Variants in KDM1B observed in about 807,000 individuals in gnomAD.
KDM1B encodes lysine demethylase 1B.
In KDM1B, 63 loss-of-function variants were observed where a neutral mutation model predicts 107.4. The observed-to-expected ratio is 0.59, with a 90% CI of 0.48 to 0.72. The LOEUF (loss-of-function observed/expected upper bound fraction) is 0.72. Among genes scored for constraint, KDM1B ranks in the 30% least tolerant of loss-of-function variants. KDM1B has a pLI of 0.00. For synonymous variants in KDM1B, 363 were observed against 363.9 expected, an observed-to-expected ratio of 1.00 and a Z score of 0.03; for missense variants, 749 against 1,020.8, an observed-to-expected ratio of 0.73 and a Z score of 3.63.
At chr6:18,164,448 A>G (rs957553160) in intron 5 of KDM1B, among the ~76,000 whole-genome samples, 5 of 151,798 alleles carry the variant, frequency 3.3e-5, no homozygotes, top group Non-Finnish European at 4.4e-5. Context: ...GCCGTCATGT[A>G]TTTTTAAGCT....
chr6:18,190,550 C>A (rs1035639703), intron 9 of KDM1B, among the ~76,000 whole-genome samples: 3 of 151,116 alleles, frequency 2.0e-5, no homozygotes, highest in Admixed American at 1.3e-4. Context: ...TGCAGCGAGC[C>A]GAGATCGCGC....
chr6:18,194,716 C>T (rs1032734384), intron 10 of KDM1B, among the ~76,000 whole-genome samples: 6 of 151,800 alleles, frequency 4.0e-5, no homozygotes, highest in African/African-American at 9.7e-5. Flanking sequence ...ACAGGCTGGT[C>T]TCCAAGTTTT....
chr6:18,217,785 G>T lies in KDM1B; in HGVS notation c.2285G>T (p.Trp762Leu). The part of the protein sequence containing the change: ...YFVTRWSTDP[W>L]IQMAYSFVKT... ...GTCACTCGGTGGAGCACAGACCCAT[G>T]GATCCAGATGGCATACAGTTTTGTG... The change falls in exon 21 of 22, where the codon TGG becomes TTG. Residue 762 changes from tryptophan (W) to leucine (L), a missense_variant. Trp to Leu is a moderately conservative substitution (Grantham distance 61, BLOSUM62 -2). Transcript: ENST00000650836. 1 of 1,613,852 alleles carries T rather than the reference G, an allele frequency of 6.2e-7. No homozygotes were observed. Among genetic ancestry groups the T allele is most frequent in the Non-Finnish European group, 8.5e-7 (1 of 1,179,880 alleles).
chr6:18,170,713 C>T (rs2150819842), intron 6 of KDM1B, among the ~76,000 whole-genome samples: 1 of 152,220 alleles, frequency 6.6e-6, no homozygotes, highest in East Asian at 1.9e-4. Flanking sequence ...CTCCTGGGCT[C>T]AAGCAGTCTG....
In KDM1B at chr6:18,213,614, G is replaced by C; in HGVS notation, c.1984-42G>C. ...GCTTAGATATTGCCTGTGGTTTTGT[G>C]ACGACAGACACCTAACCACCTTTCT... On this transcript the variant is annotated intron_variant, in intron 18 of 21. Transcript: ENST00000650836. The surrounding 1 kb of genome is among the most constrained non-coding windows in gnomAD (Gnocchi z 5.9). 6.2e-7 allele frequency: 1 copy of C among 1,611,062 alleles called. No individual in the cohort carries two copies. The highest frequency in any genetic ancestry group is 8.5e-7 in the Non-Finnish European group (1 of 1,177,634).
chr6:18,162,986 G>A lies in KDM1B; in HGVS notation c.305+62G>A, dbSNP rs1236374219. ...GGGGACCGTGGCAGGGGCAGTGCGT[G>A]TGGTCAGCTGATTAAAGCTTAGTCT... On this transcript the variant is annotated intron_variant, in intron 5 of 21. Coordinates refer to ENST00000650836, the MANE Select transcript of KDM1B (RefSeq NM_001364614.2). This position sits in a 1 kb window ranked among gnomAD's most constrained non-coding sequence, Gnocchi z 4.1. 1.0e-6 allele frequency: 1 copy of A among 963,678 alleles called. No homozygotes were observed. 59.7% of individuals were successfully genotyped at this position (963,678 alleles called of 1,614,324 possible).
At chr6:18,178,652 A>C (rs997715393) in intron 7 of KDM1B, among the ~76,000 whole-genome samples, 23 of 152,270 alleles carry the variant, frequency 1.5e-4, no homozygotes, top group African/African-American at 5.3e-4. Context: ...TGGCCTCCCA[A>C]AGTGCTGGGA....
intron 17 of KDM1B, among the ~76,000 whole-genome samples, chr6:18,208,628 T>TATATATATGTATATATATATA (rs1491350264): frequency 6.2e-5 from 1 of 16,250 alleles, no homozygotes; most frequent in African/African-American, 2.5e-4. Flanking sequence ...TATATATATA[T>TATATATATGTATATATATATA]TTTTTTTTTT....
rs780354673 is a variant in KDM1B, at chr6:18,200,590, A to G, written c.1359+14A>G. The G allele has an allele frequency of 3.6e-5, 58 of 1,606,434 alleles. No homozygotes were observed. Among genetic ancestry groups the G allele is most frequent in the Non-Finnish European group, 4.5e-5 (53 of 1,177,176 alleles). ...ATGTGTGAACAAGTGAGTTTCTTTT[A>G]GCTTTGTGTTGTAGATAAAGGAAAG... On this transcript the variant is annotated intron_variant, in intron 13 of 21. Coordinates refer to ENST00000650836, the MANE Select transcript of KDM1B (RefSeq NM_001364614.2). The surrounding 1 kb of genome is among the most constrained non-coding windows in gnomAD (Gnocchi z 4.3).
chr6:18,213,671 C>T lies in KDM1B; in HGVS notation c.1999C>T (p.Pro667Ser), dbSNP rs1789020288. 6.2e-7 allele frequency: 1 copy of T among 1,613,982 alleles called. No homozygotes were observed. The highest frequency in any genetic ancestry group is 1.3e-5 in the African/African-American group (1 of 74,900). ...CACTTTGCAGATTGCCTTGCAATTT[C>T]CGTATAGATTTTGGGACAGTAAAGT... ...GIIEKIALQFPYRFWDSKVQG... is the reference protein window; with the variant it reads ...GIIEKIALQFSYRFWDSKVQG... The change falls in exon 19 of 22, where the codon CCG becomes TCG. Residue 667 changes from proline (P) to serine (S), a missense_variant. Pro to Ser is a moderately conservative substitution (Grantham distance 74, BLOSUM62 -1). Coordinates refer to ENST00000650836, the MANE Select transcript of KDM1B (RefSeq NM_001364614.2). The surrounding 1 kb of genome is among the most constrained non-coding windows in gnomAD (Gnocchi z 5.9).
In KDM1B at chr6:18,222,722, A is replaced by G. The variant is rs1789856392; in HGVS notation, c.*730A>G. 1 of 153,022 alleles carries G rather than the reference A, an allele frequency of 6.5e-6. No homozygotes were observed. The highest frequency in any genetic ancestry group is 2.1e-4 in the South Asian group (1 of 4,858). The allele number at this position is 153,022 out of a possible 1,614,324, so 9.5% of individuals were successfully genotyped here. A position where few individuals can be genotyped will look rare whatever the true frequency, so the allele number is the denominator to read the frequency against. ...ACAGATAGTGTGGGCTTCACACTAT[A>G]GACACAGAATATAGCTTTTTCTTAA... On this transcript the variant is annotated 3_prime_UTR_variant, in exon 22 of 22. Transcript: ENST00000650836.
chr6:18,184,736 C>CTTTTTTTTTTTTTTTTTTTTT (rs58897300), intron 7 of KDM1B, among the ~76,000 whole-genome samples: 3 of 65,434 alleles, frequency 4.6e-5, no homozygotes, highest in African/African-American at 1.1e-4. Context: ...AGCTTTTTTC[C>CTTTTTTTTTTTTTTTTTTTTT]TTTTTTTTTT....
At chr6:18,169,902 A>T (rs958525317) in intron 6 of KDM1B, among the ~76,000 whole-genome samples, 2 of 151,894 alleles carry the variant, frequency 1.3e-5, no homozygotes, top group African/African-American at 4.8e-5. Context: ...TCATCTTTTT[A>T]AAATTATTTA....
intron 21 of KDM1B, among the ~76,000 whole-genome samples, chr6:18,218,598 CAAG>C (rs1789426469): frequency 6.6e-6 from 1 of 152,134 alleles, no homozygotes; most frequent in Non-Finnish European, 1.5e-5. Flanking sequence ...ACTGCTGAGC[CAAG>C]AAGGTGTCCA....
intron 17 of KDM1B, among the ~76,000 whole-genome samples, chr6:18,210,757 G>C (rs1354216970): frequency 6.6e-6 from 1 of 152,080 alleles, no homozygotes; most frequent in African/African-American, 2.4e-5. Context: ...ACAGCACTTC[G>C]GGAGGCTGAG....
Position 18,201,505 on chromosome 6 carries a change from A to G in KDM1B, c.1379A>G (p.Lys460Arg). 1 of 1,548,802 alleles carries G rather than the reference A, an allele frequency of 6.5e-7. No individual in the cohort carries two copies. Among genetic ancestry groups the G allele is most frequent in the Non-Finnish European group, 8.7e-7 (1 of 1,146,568 alleles). ...MCEQLGISMH[K>R]FGERCDLIQE... ...TTGAAGCTTGGCATCAGCATGCATA[A>G]ATTTGGAGAAAGATGTGACTTAATT... is the stretch of plus-strand genomic sequence containing the variant. The change falls in exon 14 of 22, where the codon AAA (lysine) becomes AGA (arginine). Residue 460 changes from lysine to arginine, a missense_variant. Lys to Arg is a conservative substitution (Grantham distance 26). Transcript: ENST00000650836. The surrounding 1 kb of genome is among the most constrained non-coding windows in gnomAD (Gnocchi z 4.3).
At position 18,222,409 on chromosome 6, in the gene KDM1B, T is replaced by G. The variant is rs1327184423; in HGVS notation, c.*417T>G. On this transcript the variant is annotated 3_prime_UTR_variant, in exon 22 of 22. Transcript: ENST00000650836. The stretch of plus-strand genomic sequence containing the variant: ...ACCAGATAAAGCCATGTTTTTCTTC[T>G]GTGACAATTTATCAGTATCTTTACC... 3.3e-6 allele frequency: 1 copy of G among 307,106 alleles called. No individual in the cohort carries two copies. The highest frequency in any genetic ancestry group is 4.7e-5 in the Admixed American group (1 of 21,074). The allele number at this position is 307,106 out of a possible 1,614,324, so 19.0% of individuals were successfully genotyped here. A position where few individuals can be genotyped will look rare whatever the true frequency, so the allele number is the denominator to read the frequency against.
At chr6:18,169,732 A>G (rs1785535030) in intron 6 of KDM1B, among the ~76,000 whole-genome samples, 1 of 152,014 alleles carries the variant, frequency 6.6e-6, no homozygotes, top group Admixed American at 6.6e-5. Context: ...ATAAAGGTTT[A>G]CTTTCTTTTC....
chr6:18,183,479 C>T (rs1380981298), intron 7 of KDM1B, among the ~76,000 whole-genome samples: 2 of 151,682 alleles, frequency 1.3e-5, no homozygotes, highest in African/African-American at 4.8e-5. Flanking sequence ...AGGCTTGTCT[C>T]GAACTCCTGA....
Sources: gnomAD v4.1 joint callset for allele counts (sites outside exome capture counted in the v4.1 genomes callset) on GRCh38, gnomAD v4.1.1 for gene constraint, Gnocchi (gnomAD v3.1) non-coding constraint, MANE v1.5 for transcripts, NCBI Gene and HGNC (gene_info 2026-07-23, HGNC 2026-07-21) for gene names.